The following INSC variants were observed in gnomAD, a reference collection of about 807,000 sequenced individuals.
The protein encoded by INSC is INSC spindle orientation adaptor protein.
Under a neutral mutation model 58.6 loss-of-function variants are expected in INSC, and 67 were observed. The observed-to-expected ratio is 1.14, with a 90% CI of 0.94 to 1.40. INSC has a LOEUF of 1.40. INSC is among the 40% of genes most tolerant of loss of function. INSC has a pLI of 0.00. For synonymous variants in INSC, 262 were observed against 276.1 expected (o/e 0.95, Z 0.51); for missense variants, 714 against 692.0 (o/e 1.03, Z -0.36).
At chr11:15,229,980 TATATATATATATATATATATATA>T (rs1851822650) in intron 9 of INSC, among the ~76,000 whole-genome samples, 2 of 31,686 alleles carry the variant, frequency 6.3e-5, no homozygotes, top group Non-Finnish European at 1.2e-4. Context: ...ATATATATAT[TATATATATATATATATATATATA>T]TATATATATA....
chr11:15,241,848 T>TA (rs1564925237), intron 12 of INSC, among the ~76,000 whole-genome samples: 1 of 152,246 alleles, frequency 6.6e-6, no homozygotes, highest in Non-Finnish European at 1.5e-5. Flanking sequence ...GACCTAGCAG[T>TA]AAGCCTAGTA....
intron 12 of INSC, chr11:15,241,662 T>G (rs758706437): frequency 5.7e-6 from 4 of 702,912 alleles, no homozygotes; most frequent in Non-Finnish European, 1.0e-5. Context: ...TTAATCTTTT[T>G]GTATCTTTGG....
At chr11:15,249,239 G>A (rs144824205), downstream of INSC, among the ~76,000 whole-genome samples, 276 of 152,266 alleles carry the variant, frequency 1.8e-3, 1 homozygote, top group African/African-American at 6.4e-3. Flanking sequence ...GTTAGGATGG[G>A]GCCAAACTGA....
intron 11 of INSC, among the ~76,000 whole-genome samples, chr11:15,239,887 T>G (rs1852277160): frequency 6.6e-6 from 1 of 152,132 alleles, no homozygotes; most frequent in South Asian, 2.1e-4. Flanking sequence ...CATGGCAGTG[T>G]CACCAATCAT....
intron 12 of INSC, among the ~76,000 whole-genome samples, chr11:15,243,208 C>A (rs1852425066): frequency 6.6e-6 from 1 of 152,120 alleles, no homozygotes; most frequent in Non-Finnish European, 1.5e-5. Flanking sequence ...AGTGTGGTCT[C>A]CTGGTTGGTG....
chr11:15,180,127 G>A (rs1792584), intron 5 of INSC, among the ~76,000 whole-genome samples: 32,312 of 151,956 alleles, frequency 0.21, 3,713 homozygotes, highest in South Asian at 0.29. Context: ...GCATGGTGGC[G>A]AGCACCTGTA....
At chr11:15,114,884 G>A, upstream of INSC, 11 of 916,734 alleles carry the variant, frequency 1.2e-5, no homozygotes, top group Non-Finnish European at 1.4e-5. Context: ...TGGGGCGGGG[G>A]CCAGGGGCGG....
At chr11:15,135,553 G>C (rs895592346) in intron 1 of INSC, among the ~76,000 whole-genome samples, 1 of 152,158 alleles carries the variant, frequency 6.6e-6, no homozygotes, top group African/African-American at 2.4e-5. Context: ...TTAATGAGCT[G>C]GTGAGAACTC....
chr11:15,176,748 T>G (rs1294258494), intron 3 of INSC, among the ~76,000 whole-genome samples: 4 of 152,214 alleles, frequency 2.6e-5, no homozygotes, highest in Admixed American at 2.6e-4. Context: ...TTATTAATTC[T>G]CTTTCATCAT....
chr11:15,233,823 C>T (rs1390124389), intron 9 of INSC, among the ~76,000 whole-genome samples: 1 of 152,054 alleles, frequency 6.6e-6, no homozygotes, highest in African/African-American at 2.4e-5. Context: ...ATGTCTCAGC[C>T]CCTGTGTGGT....
At chr11:15,120,539 C>T (rs75355882) in intron 1 of INSC, among the ~76,000 whole-genome samples, 5,001 of 152,172 alleles carry the variant, frequency 0.033, 293 homozygotes, top group African/African-American at 0.11. Flanking sequence ...GAGACCAGCA[C>T]GTGTGAGGGC....
chr11:15,133,555 C>G (rs1309597802), intron 1 of INSC, among the ~76,000 whole-genome samples: 2 of 151,212 alleles, frequency 1.3e-5, no homozygotes, highest in Non-Finnish European at 3.0e-5. Flanking sequence ...GGTTTATTTT[C>G]CATTTACTCT....
At chr11:15,177,188 A>C in intron 4 of INSC, 25 bp downstream of exon 4, 1 of 1,608,012 alleles carries the variant, frequency 6.2e-7, no homozygotes, top group Non-Finnish European at 8.5e-7. Flanking sequence ...TAGATCTCCC[A>C]GGGTCTGCCC....
intron 7 of INSC, among the ~76,000 whole-genome samples, chr11:15,220,435 A>G (rs1851394093): frequency 6.6e-6 from 1 of 152,170 alleles, no homozygotes; most frequent in Admixed American, 6.5e-5. Flanking sequence ...CTTTTTCTCC[A>G]GCAAATCTTG....
chr11:15,145,559 A>G (rs1848471727), intron 1 of INSC, among the ~76,000 whole-genome samples: 2 of 152,198 alleles, frequency 1.3e-5, no homozygotes, highest in Admixed American at 6.5e-5. Flanking sequence ...TTCCCTGAGG[A>G]TAGCATGCTT....
upstream of INSC, chr11:15,112,281 T>G (rs1389715135): frequency 8.7e-6 from 4 of 461,466 alleles, no homozygotes; most frequent in Admixed American, 3.9e-5. Context: ...GGGGAGGGGG[T>G]CGAGGGGGAG....
intron 9 of INSC, among the ~76,000 whole-genome samples, chr11:15,228,430 T>C (rs1188412770): frequency 6.6e-6 from 1 of 152,182 alleles, no homozygotes; most frequent in Non-Finnish European, 1.5e-5. Context: ...GTTACTCCAC[T>C]GTCTGAGCCA....
chr11:15,202,178 A>G (rs1422355516), intron 7 of INSC, among the ~76,000 whole-genome samples: 1 of 152,020 alleles, frequency 6.6e-6, no homozygotes, highest in Non-Finnish European at 1.5e-5. Flanking sequence ...AGCTTTTTGG[A>G]CAGAGTGCCC....
chr11:15,243,125 C>T (rs905819770), intron 12 of INSC, among the ~76,000 whole-genome samples: 3 of 152,148 alleles, frequency 2.0e-5, no homozygotes, highest in Non-Finnish European at 4.4e-5. Flanking sequence ...GACTGACAGA[C>T]TTGCTTCCTC....
Sources: gnomAD v4.1 joint callset for allele counts (sites outside exome capture counted in the v4.1 genomes callset) on GRCh38, gnomAD v4.1.1 for gene constraint, MANE v1.5 for transcripts, NCBI Gene and HGNC (gene_info 2026-07-23, HGNC 2026-07-21) for gene names.